MIPOL1: variants seen among roughly 807,000 people sequenced by gnomAD.
MIPOL1 encodes mirror-image polydactyly 1.
Under a neutral mutation model 60.9 loss-of-function variants are expected in MIPOL1, and 57 were observed. The ratio of observed to expected loss-of-function variants is 0.94; its 90% CI spans 0.76 to 1.17. The LOEUF (loss-of-function observed/expected upper bound fraction) is 1.17. Among genes scored for constraint, MIPOL1 ranks in the 50% most tolerant of loss-of-function variants. MIPOL1 has a pLI of 0.00. For synonymous variants in MIPOL1, 179 were observed against 168.8 expected, an observed-to-expected ratio of 1.06 and a Z score of -0.47; for missense variants, 551 against 511.6, an observed-to-expected ratio of 1.08 and a Z score of -0.74.
intron 11 of MIPOL1, among the ~76,000 whole-genome samples, chr14:37,465,796 A>G (rs531695148): frequency 6.6e-6 from 1 of 152,200 alleles, no homozygotes; most frequent in East Asian, 1.9e-4. Flanking sequence ...CTGCCAGAAT[A>G]ATAATAAAAA....
rs766046700 is a variant in MIPOL1 at position 37,387,211 on chromosome 14, A to G, written c.936+17587A>G. 8.0e-4 allele frequency among the ~76,000 whole-genome samples: 121 copies of G among 151,936 alleles called. 1 individual carries two copies. Among genetic ancestry groups the G allele is most frequent in the Middle Eastern group, 3.4e-3 (1 of 290 alleles). On this transcript the variant is annotated intron_variant, in intron 10 of 12. Transcript: ENST00000684589. ...TTACTAAAAACTGAATTTTTAAACT[A>G]TGAAAGTATTTAGGAAACATTTTTT...
chr14:37,523,452 A>G (rs977996788), intron 12 of MIPOL1: 6 of 392,634 alleles, frequency 1.5e-5, no homozygotes, highest in South Asian at 1.0e-4. Flanking sequence ...AAATATAAAT[A>G]TTAGAGTTTT....
intron 1 of MIPOL1, among the ~76,000 whole-genome samples, chr14:37,222,190 A>G (rs571180265): frequency 1.7e-4 from 26 of 151,990 alleles, no homozygotes; most frequent in Admixed American, 1.2e-3. Flanking sequence ...ACTGGTCCCA[A>G]TTAAGTCCAA....
intron 10 of MIPOL1, among the ~76,000 whole-genome samples, chr14:37,391,837 T>C (rs1210953036): frequency 1.3e-5 from 2 of 152,156 alleles, no homozygotes; most frequent in African/African-American, 4.8e-5. Context: ...AGAAGTGATA[T>C]ATTTATATTA....
intron 10 of MIPOL1, chr14:37,401,984 A>T (rs1183773677): frequency 1.3e-5 from 2 of 152,042 alleles, no homozygotes; most frequent in African/African-American, 4.8e-5. Context: ...TTGCTTTAAA[A>T]TTTTTTCCTT....
chr14:37,546,039 TAAA>T (rs2095546115), intron 12 of MIPOL1: 1 of 171,604 alleles, frequency 5.8e-6, no homozygotes, highest in Admixed American at 6.3e-5. Flanking sequence ...GTAAAGAAAA[TAAA>T]AGAAGAAAAC....
At chr14:37,236,074 A>T (rs748699368) in intron 1 of MIPOL1, among the ~76,000 whole-genome samples, 1 of 150,806 alleles carries the variant, frequency 6.6e-6, no homozygotes, top group African/African-American at 2.4e-5. Flanking sequence ...TTACAGGCGC[A>T]TGCCACCATG....
At chr14:37,226,327 A>G (rs1197590152) in intron 1 of MIPOL1, among the ~76,000 whole-genome samples, 1 of 152,218 alleles carries the variant, frequency 6.6e-6, no homozygotes, top group Non-Finnish European at 1.5e-5. Flanking sequence ...GGCAATTTAC[A>G]AAAGAAAGAG....
In MIPOL1 at chr14:37,549,155, A is replaced by G. The variant is rs2095555556; in HGVS notation, c.*2184A>G. 6.6e-6 allele frequency: 1 copy of G among 151,940 alleles called. No individual in the cohort carries two copies. Among genetic ancestry groups the G allele is most frequent in the Non-Finnish European group, 1.5e-5 (1 of 67,836 alleles). 9.4% of individuals were successfully genotyped at this position (151,940 alleles called of 1,614,324 possible). A position where few individuals can be genotyped will look rare whatever the true frequency, so the allele number is the denominator to read the frequency against. On this transcript the variant is annotated 3_prime_UTR_variant, in exon 13 of 13. Coordinates refer to ENST00000684589, the MANE Select transcript of MIPOL1 (RefSeq NM_001388067.1). ...CTGAAGATAGGTTCTCTATGTATTC[A>G]ACAATAATGCAACTTTAGAAGTATT... is the stretch of plus-strand genomic sequence containing the variant.
chr14:37,254,136 G>A (rs1974542853), intron 3 of MIPOL1, among the ~76,000 whole-genome samples: 2 of 151,730 alleles, frequency 1.3e-5, no homozygotes, highest in South Asian at 4.1e-4. Flanking sequence ...CATTTCCTGA[G>A]GAGATGCTGA....
At chr14:37,530,892 A>T (rs893165886) in intron 12 of MIPOL1, among the ~76,000 whole-genome samples, 4 of 151,486 alleles carry the variant, frequency 2.6e-5, no homozygotes, top group African/African-American at 9.7e-5. Flanking sequence ...ATCCCGGCTC[A>T]CTGCAACCTC....
chr14:37,402,789 G>A (rs1478981316), intron 10 of MIPOL1, among the ~76,000 whole-genome samples: 2 of 152,168 alleles, frequency 1.3e-5, no homozygotes, highest in Non-Finnish European at 2.9e-5. Flanking sequence ...TAGATTTCCT[G>A]GCTTATTTTT....
At chr14:37,402,321 T>C (rs1385389956) in intron 10 of MIPOL1, among the ~76,000 whole-genome samples, 5 of 152,262 alleles carry the variant, frequency 3.3e-5, no homozygotes, top group Non-Finnish European at 5.9e-5. Flanking sequence ...TTTGCCACCT[T>C]TTGGGGAGAT....
At chr14:37,411,317 A>G (rs2093677783) in intron 10 of MIPOL1, among the ~76,000 whole-genome samples, 1 of 152,128 alleles carries the variant, frequency 6.6e-6, no homozygotes, top group Non-Finnish European at 1.5e-5. Context: ...CACAACCACT[A>G]TGAATTTCTT....
At chr14:37,243,017 C>T (rs561864569) in intron 1 of MIPOL1, among the ~76,000 whole-genome samples, 1 of 151,840 alleles carries the variant, frequency 6.6e-6, no homozygotes, top group South Asian at 2.1e-4. Context: ...TTGGTGTGTT[C>T]GAAGAACAGA....
chr14:37,460,577 T>A (rs1328701843), intron 11 of MIPOL1, among the ~76,000 whole-genome samples: 2 of 152,182 alleles, frequency 1.3e-5, no homozygotes, highest in African/African-American at 4.8e-5. Flanking sequence ...TTATCCCTGT[T>A]CACTGATGAC....
chr14:37,402,727 A>G (rs1052912930), intron 10 of MIPOL1, among the ~76,000 whole-genome samples: 18 of 152,344 alleles, frequency 1.2e-4, no homozygotes, highest in East Asian at 1.9e-4. Flanking sequence ...GTGTGTAGCA[A>G]TCAGATGTTC....
At chr14:37,499,005 A>T (rs1271704625) in intron 11 of MIPOL1, among the ~76,000 whole-genome samples, 1 of 152,132 alleles carries the variant, frequency 6.6e-6, no homozygotes, top group Admixed American at 6.6e-5. Context: ...AAGTTGTTTT[A>T]CTTCAAATGT....
intron 11 of MIPOL1, among the ~76,000 whole-genome samples, chr14:37,428,196 C>T (rs1416893370): frequency 6.6e-6 from 1 of 152,164 alleles, no homozygotes; most frequent in Admixed American, 6.5e-5. Flanking sequence ...TCAAGTCTGA[C>T]TCTCAACTCT....
Sources: allele counts gnomAD v4.1 joint callset (sites outside exome capture counted in the v4.1 genomes callset), GRCh38; gene constraint gnomAD v4.1.1; transcripts MANE v1.5; gene names NCBI Gene and HGNC (gene_info 2026-07-23, HGNC 2026-07-21).